The following ABCC5 variants were observed in gnomAD, a reference collection of about 807,000 sequenced individuals.
The protein encoded by ABCC5 is ATP binding cassette subfamily C member 5.
Under a neutral mutation model 160.9 loss-of-function variants are expected in ABCC5, and 61 were observed. That is an observed-to-expected ratio of 0.38 (90% CI 0.31 to 0.47). The LOEUF (loss-of-function observed/expected upper bound fraction) is 0.47, where lower values mean the gene tolerates loss of function less well. ABCC5 is among the 20% of genes least tolerant of loss of function. ABCC5 has a pLI of 0.99. For missense variants in ABCC5, 1,308 were observed against 1,813.3 expected, an observed-to-expected ratio of 0.72 and a Z score of 5.06; for synonymous variants, 666 against 700.6, an observed-to-expected ratio of 0.95 and a Z score of 0.78.
intron 2 of ABCC5, among the ~76,000 whole-genome samples, chr3:184,013,323 T>C (rs1721911538): frequency 6.6e-6 from 1 of 151,928 alleles, no homozygotes; most frequent in Admixed American, 6.6e-5. Flanking sequence ...TGGCGTGATC[T>C]TGGCTCACTG....
intron 17 of ABCC5, among the ~76,000 whole-genome samples, chr3:183,955,410 TATA>T (rs1315375683): frequency 6.6e-6 from 1 of 151,976 alleles, no homozygotes; most frequent in African/African-American, 2.4e-5. Flanking sequence ...GGCAGGGGAG[TATA>T]ATAAGGCACG....
chr3:183,971,195 G>A (rs1168058479), intron 11 of ABCC5, among the ~76,000 whole-genome samples: 1 of 152,162 alleles, frequency 6.6e-6, no homozygotes, highest in Non-Finnish European at 1.5e-5. Context: ...CCTATCATGT[G>A]CCAGGTATGA....
Position 183,951,897 on chromosome 3 carries a change from A to T in ABCC5, c.2774T>A (p.Met925Lys). 1.2e-6 allele frequency: 2 copies of T among 1,614,020 alleles called. No homozygotes were observed. The highest frequency in any genetic ancestry group is 1.7e-6 in the Non-Finnish European group (2 of 1,179,906). Residue 925 changes from methionine to lysine, a missense_variant, in exon 19 of 30, where the codon ATG becomes AAG. Physicochemically the swap from Met to Lys is moderately conservative, Grantham distance 95. Around this residue, in one of 3 missense-constraint regions of ABCC5, gnomAD observed 1,142 missense variants for 1,527.1 expected, o/e 0.75. Transcript: ENST00000334444. This position sits in a 1 kb window ranked among gnomAD's most constrained non-coding sequence, Gnocchi z 4.7. Reference protein sequence around the residue: ...ASIYALSMAVMLILKAIRGVV... With the variant: ...ASIYALSMAVKLILKAIRGVV... ...TCCTCGAATGGCTTTCAGGATCAGC[A>T]TGACTGCCATGGAGAGGGCGTAGAT...
chr3:183,959,052 T>TACACACACACACACAC (rs59592606), intron 17 of ABCC5, among the ~76,000 whole-genome samples: 54 of 148,164 alleles, frequency 3.6e-4, no homozygotes, highest in African/African-American at 1.2e-3. Flanking sequence ...ATCTATACAG[T>TACACACACACACACAC]ACACACACAC....
rs1335010070 is a variant in ABCC5 at position 183,981,884 on chromosome 3, A to G, written c.1000-10T>C. 2 of 1,587,842 alleles carry G rather than the reference A, an allele frequency of 1.3e-6. No homozygotes were observed. The highest frequency in any genetic ancestry group is 1.4e-5 in the African/African-American group (1 of 73,294). On this transcript the variant is annotated splice_polypyrimidine_tract_variant and intron_variant, in intron 7 of 29. Coordinates refer to ENST00000334444, the MANE Select transcript of ABCC5 (RefSeq NM_005688.4). ...GCCGTGATGCAAACATCTGAAAGGAAAAGCGATGCCACGCCAAATTAAAGC... is the reference window on the plus strand; with the variant it reads ...GCCGTGATGCAAACATCTGAAAGGAGAAGCGATGCCACGCCAAATTAAAGC...
intron 8 of ABCC5, among the ~76,000 whole-genome samples, chr3:183,979,769 A>G (rs955205447): frequency 1.3e-5 from 2 of 151,910 alleles, no homozygotes; most frequent in African/African-American, 4.8e-5. Context: ...TGTAGAGAGG[A>G]GGTCTCAGTA....
At chr3:183,935,149 G>A (rs549870172) in intron 26 of ABCC5, among the ~76,000 whole-genome samples, 7 of 151,572 alleles carry the variant, frequency 4.6e-5, no homozygotes, top group African/African-American at 2.4e-5. Flanking sequence ...AAAGTGCTGG[G>A]ATTACAGGCA....
intron 2 of ABCC5, among the ~76,000 whole-genome samples, chr3:184,013,131 G>T (rs954666305): frequency 3.3e-5 from 5 of 152,164 alleles, no homozygotes; most frequent in Non-Finnish European, 5.9e-5. Context: ...TTCCCTTGGA[G>T]GAAATTAGAT....
intron 2 of ABCC5, 86 bp from the exon 3 acceptor site, chr3:183,989,469 C>A: frequency 7.1e-7 from 1 of 1,406,094 alleles, no homozygotes. Context: ...GCTCAAACTG[C>A]AAACTGGACT....
At position 183,987,527 on chromosome 3, in the gene ABCC5, G is replaced by A. The variant is rs1229937580; in HGVS notation, c.591+243C>T. 2.9e-5 allele frequency: 18 copies of A among 624,310 alleles called. No homozygotes were observed. Among genetic ancestry groups the A allele is most frequent in the Non-Finnish European group, 5.1e-5 (18 of 349,746 alleles). 38.7% of individuals were successfully genotyped at this position (624,310 alleles called of 1,614,324 possible). Reference sequence around the variant, plus strand: ...AGAAGCACAGTCCTGTGCAGAACTGGAGTCAGTTCCATTTCACCCCCACCC... The same window carrying A: ...AGAAGCACAGTCCTGTGCAGAACTGAAGTCAGTTCCATTTCACCCCCACCC... On this transcript the variant is annotated intron_variant, in intron 5 of 29. Coordinates refer to ENST00000334444, the MANE Select transcript of ABCC5 (RefSeq NM_005688.4). This position sits in a 1 kb window ranked among gnomAD's most constrained non-coding sequence, Gnocchi z 4.2.
intron 17 of ABCC5, among the ~76,000 whole-genome samples, chr3:183,958,448 A>T (rs1417008176): frequency 6.6e-6 from 1 of 152,198 alleles, no homozygotes; most frequent in East Asian, 1.9e-4. Flanking sequence ...CTGATTTTTT[A>T]CTGCCCGTGG....
At chr3:183,972,165 T>G in intron 10 of ABCC5, 1 of 692,728 alleles carries the variant, frequency 1.4e-6, no homozygotes, top group South Asian at 1.5e-5. Flanking sequence ...ACAAATTACA[T>G]GCTAAACTGC....
In ABCC5 at chr3:184,014,286, G is replaced by T. The variant is rs1722008429; in HGVS notation, c.107C>A (p.Ser36Tyr). Residue 36 changes from serine to tyrosine, a missense_variant, in exon 2 of 30, where the codon TCC becomes TAC. Coordinates refer to ENST00000334444, the MANE Select transcript of ABCC5 (RefSeq NM_005688.4). Reference protein sequence around the residue: ...TSGTHRDREDSKFRRTRPLEC... With the variant: ...TSGTHRDREDYKFRRTRPLEC... ...GACCGGTCGAGTTCTCCTGAACTTG[G>T]AATCTTCACGGTCTCTGTGCGTCCC... 1 of 1,613,792 alleles carries T rather than the reference G, an allele frequency of 6.2e-7. No homozygotes were observed. Among genetic ancestry groups the T allele is most frequent in the African/African-American group, 1.3e-5 (1 of 74,862 alleles).
chr3:183,951,634 AC>A lies in ABCC5; in HGVS notation c.2815-65del, dbSNP rs1715358911. The A allele has an allele frequency of 1.3e-6, 2 of 1,581,424 alleles. No individual in the cohort carries two copies. Among genetic ancestry groups the A allele is most frequent in the Admixed American group, 3.5e-5 (2 of 56,746 alleles). On this transcript the variant is annotated intron_variant, in intron 19 of 29. Transcript: ENST00000334444. The surrounding 1 kb of genome is among the most constrained non-coding windows in gnomAD (Gnocchi z 4.7). ...GGCTCTGTTCCTACTGGTCCAGAGA[AC>A]CGCTCCGCAGCACATCCACTCCCAA...
chr3:183,932,276 T>C (rs761117172), intron 26 of ABCC5, among the ~76,000 whole-genome samples: 2 of 152,170 alleles, frequency 1.3e-5, no homozygotes, highest in Non-Finnish European at 2.9e-5. Flanking sequence ...TTTTGGCTTT[T>C]AGTTGTTAAG....
In ABCC5 at chr3:183,967,894, C is replaced by T. The variant is rs1243039786; in HGVS notation, c.1762-128G>A. On this transcript the variant is annotated intron_variant, in intron 11 of 29. Transcript: ENST00000334444. Reference sequence around the variant, plus strand: ...CTGTCACCCTGATGACTCAGCAGGCCACTTACCTGTTTTCTCACTCATTAG... The same window carrying T: ...CTGTCACCCTGATGACTCAGCAGGCTACTTACCTGTTTTCTCACTCATTAG... The T allele has an allele frequency of 1.2e-5, 9 of 744,980 alleles. No individual in the cohort carries two copies. In the East Asian group the frequency reaches 2.1e-4, roughly 17 times the overall value. The allele number at this position is 744,980 out of a possible 1,614,324, so 46.1% of individuals were successfully genotyped here. A position where few individuals can be genotyped will look rare whatever the true frequency, so the allele number is the denominator to read the frequency against.
chr3:183,956,478 A>C (rs1455376717), intron 17 of ABCC5, among the ~76,000 whole-genome samples: 1 of 150,962 alleles, frequency 6.6e-6, no homozygotes, highest in African/African-American at 2.5e-5. Flanking sequence ...ATCCGTGTGT[A>C]TATCACATCT....
intron 12 of ABCC5, among the ~76,000 whole-genome samples, chr3:183,966,290 G>A (rs953634941): frequency 1.3e-5 from 2 of 152,186 alleles, no homozygotes; most frequent in East Asian, 3.8e-4. Flanking sequence ...ACCACAAACT[G>A]GTAGCATTCT....
intron 11 of ABCC5, among the ~76,000 whole-genome samples, chr3:183,968,586 A>T (rs575203826): frequency 6.6e-6 from 1 of 152,342 alleles, no homozygotes; most frequent in South Asian, 2.1e-4. Context: ...TTATACCATC[A>T]ATCCCACAAA....
Sources: gnomAD v4.1 joint callset for allele counts (sites outside exome capture counted in the v4.1 genomes callset) on GRCh38, gnomAD v4.1.1 for gene constraint, gnomAD v4.1.1 regional missense constraint, Gnocchi (gnomAD v3.1) non-coding constraint, MANE v1.5 for transcripts, NCBI Gene and HGNC (gene_info 2026-07-23, HGNC 2026-07-21) for gene names.